GNG12: variants seen among roughly 807,000 people sequenced by gnomAD.
The protein encoded by GNG12 is G protein subunit gamma 12.
For missense variants in GNG12, 69 were observed against 83.8 expected, an observed-to-expected ratio of 0.82 and a Z score of 0.69; for synonymous variants, 28 against 29.7, an observed-to-expected ratio of 0.94 and a Z score of 0.19.
At chr1:67,770,906 T>C (rs1240140095) in intron 2 of GNG12, among the ~76,000 whole-genome samples, 1 of 152,102 alleles carries the variant, frequency 6.6e-6, no homozygotes, top group African/African-American at 2.4e-5. Flanking sequence ...TCCCTTGGAA[T>C]GAATACTGAC....
chr1:67,746,465 C>T (rs1325589831), intron 2 of GNG12, among the ~76,000 whole-genome samples: 1 of 152,040 alleles, frequency 6.6e-6, no homozygotes. Context: ...CCCTTCTTCT[C>T]AGCAATCAAC....
rs576415693 is a variant in GNG12, at chr1:67,811,412, C to T, written c.-77+21932G>A. Among the ~76,000 whole-genome samples, 9 of 152,268 alleles carry T rather than the reference C, an allele frequency of 5.9e-5. No homozygotes were observed. The South Asian group carries it at 1.9e-3, about 32-fold the overall frequency. ...ACCATTGACAGAATTAAAGGACTAA[C>T]ACAACACTAAGCGATTCAACCATAA... On this transcript the variant is annotated intron_variant, in intron 1 of 3. Transcript: ENST00000370982.
chr1:67,775,844 T>A (rs1646702069), intron 2 of GNG12, among the ~76,000 whole-genome samples: 1 of 152,102 alleles, frequency 6.6e-6, no homozygotes, highest in South Asian at 2.1e-4. Flanking sequence ...TTCCAGTAGG[T>A]CTTGCAAAAT....
At chr1:67,738,100 T>C (rs1646462539) in intron 2 of GNG12, among the ~76,000 whole-genome samples, 1 of 151,926 alleles carries the variant, frequency 6.6e-6, no homozygotes, top group Non-Finnish European at 1.5e-5. Flanking sequence ...TGTCAGGCTA[T>C]TTTTTGTTTG....
At chr1:67,827,705 G>T (rs958936999) in intron 1 of GNG12, among the ~76,000 whole-genome samples, 1 of 151,634 alleles carries the variant, frequency 6.6e-6, no homozygotes, top group Non-Finnish European at 1.5e-5. Context: ...GATTACAGGC[G>T]TGAGCGACTG....
intron 1 of GNG12, among the ~76,000 whole-genome samples, chr1:67,793,042 C>G (rs79540240): frequency 6.6e-6 from 1 of 152,204 alleles, no homozygotes; most frequent in Non-Finnish European, 1.5e-5. Context: ...ACCAATGTCA[C>G]TCTGTGAATT....
chr1:67,751,084 G>C (rs1253220208), intron 2 of GNG12, among the ~76,000 whole-genome samples: 2 of 151,696 alleles, frequency 1.3e-5, no homozygotes, highest in African/African-American at 4.8e-5. Context: ...GGCCACTCCA[G>C]ACTTTCCCAA....
chr1:67,752,432 T>C (rs575370663), intron 2 of GNG12, among the ~76,000 whole-genome samples: 15 of 152,216 alleles, frequency 9.9e-5, no homozygotes, highest in Non-Finnish European at 2.1e-4. Context: ...TGTAGGAGTT[T>C]GGGGTTAACA....
chr1:67,828,978 G>GT (rs1647026922), intron 1 of GNG12, among the ~76,000 whole-genome samples: 1 of 152,104 alleles, frequency 6.6e-6, no homozygotes, highest in Admixed American at 6.5e-5. Flanking sequence ...AGCCAGATTT[G>GT]TTTTTTAGTA....
intron 2 of GNG12, among the ~76,000 whole-genome samples, chr1:67,710,103 TATATATATAGTTATATATATAG>T: frequency 4.8e-5 from 1 of 21,014 alleles, no homozygotes; most frequent in Non-Finnish European, 9.5e-5. Flanking sequence ...TATATATAGT[TATATATATAGTTATATATATAG>T]TTATATATAT....
At chr1:67,814,532 A>C (rs1256649009) in intron 1 of GNG12, among the ~76,000 whole-genome samples, 1 of 152,222 alleles carries the variant, frequency 6.6e-6, no homozygotes, top group Non-Finnish European at 1.5e-5. Context: ...AGACAGTTTA[A>C]AAATGAATTT....
chr1:67,764,080 C>A (rs1646622113), intron 2 of GNG12, among the ~76,000 whole-genome samples: 1 of 152,184 alleles, frequency 6.6e-6, no homozygotes, highest in Non-Finnish European at 1.5e-5. Flanking sequence ...CACATTCACT[C>A]AGTAAATACT....
rs760280542 is a variant in GNG12, at chr1:67,703,061, C to T, written c.*2390G>A. On this transcript the variant is annotated 3_prime_UTR_variant, in exon 4 of 4. Transcript: ENST00000370982. ...TCATATATATGTATACATATATTTT[C>T]TCACATAGACGTCTAGTTATAAGTA... 6 of 152,162 alleles carry T rather than the reference C, an allele frequency of 3.9e-5. No individual in the cohort carries two copies. The highest frequency in any genetic ancestry group is 8.8e-5 in the Non-Finnish European group (6 of 68,030). 9.4% of individuals were successfully genotyped at this position (152,162 alleles called of 1,614,324 possible).
At chr1:67,746,478 A>T (rs1243721807) in intron 2 of GNG12, among the ~76,000 whole-genome samples, 3 of 152,048 alleles carry the variant, frequency 2.0e-5, no homozygotes, top group African/African-American at 7.2e-5. Context: ...CAATCAACTC[A>T]TGAAGGCACG....
In GNG12 at chr1:67,720,820, T is replaced by C. The variant is rs191525238; in HGVS notation, c.-26-13108A>G. 2.1e-3 allele frequency among the ~76,000 whole-genome samples: 313 copies of C among 152,346 alleles called. 2 individuals carry two copies. The highest frequency in any genetic ancestry group is 7.3e-3 in the African/African-American group (303 of 41,568). On this transcript the variant is annotated intron_variant, in intron 2 of 3. Transcript: ENST00000370982. Reference sequence around the variant, plus strand: ...AACAACTGTTATCAGCTTTTCCTGTTTCCTTCTGACATCCCATGCATATAT... The same window carrying C: ...AACAACTGTTATCAGCTTTTCCTGTCTCCTTCTGACATCCCATGCATATAT...
At chr1:67,710,075 G>T (rs1241344497) in intron 2 of GNG12, among the ~76,000 whole-genome samples, 5 of 27,554 alleles carry the variant, frequency 1.8e-4, no homozygotes, top group Admixed American at 6.9e-4. Context: ...TATATATATA[G>T]TTATATATAT....
chr1:67,712,845 T>C (rs34011551), intron 2 of GNG12, among the ~76,000 whole-genome samples: 6,738 of 136,380 alleles, frequency 0.049, 401 homozygotes, highest in African/African-American at 0.15. Context: ...TTTTTTTTTT[T>C]CCCCTCTTTT....
intron 1 of GNG12, among the ~76,000 whole-genome samples, chr1:67,829,863 G>T (rs2100832762): frequency 6.6e-6 from 1 of 152,320 alleles, no homozygotes; most frequent in Admixed American, 6.5e-5. Flanking sequence ...CCACATCTCT[G>T]TGTCCCAGTG....
intron 2 of GNG12, among the ~76,000 whole-genome samples, chr1:67,758,410 AT>A (rs1479472755): frequency 1.3e-5 from 2 of 152,222 alleles, no homozygotes; most frequent in African/African-American, 4.8e-5. Context: ...GTATTTCGCC[AT>A]GACGATGAAA....
Sources: allele counts gnomAD v4.1 joint callset (sites outside exome capture counted in the v4.1 genomes callset), GRCh38; gene constraint gnomAD v4.1.1; transcripts MANE v1.5; gene names NCBI Gene and HGNC (gene_info 2026-07-23, HGNC 2026-07-21).